AUTS2: variants seen among roughly 807,000 people sequenced by gnomAD.
AUTS2 encodes the protein autism susceptibility gene 2 protein.
In AUTS2, 17 loss-of-function variants were observed where a neutral mutation model predicts 112.4. The ratio of observed to expected loss-of-function variants is 0.15; its 90% CI spans 0.10 to 0.23. The LOEUF is 0.23. Ranked by LOEUF, AUTS2 falls within the 10% of genes least tolerant of loss-of-function variation. The pLI is 1.00. For synonymous variants in AUTS2, 751 were observed against 702.7 expected (o/e 1.07, Z -1.09); for missense variants, 1,510 against 1,701.6 (o/e 0.89, Z 1.98).
chr7:70,190,764 A>C (rs1026253713), intron 4 of AUTS2, among the ~76,000 whole-genome samples: 1 of 152,152 alleles, frequency 6.6e-6, no homozygotes, highest in African/African-American at 2.4e-5. Flanking sequence ...AAGTAATAGG[A>C]GTTTCCTAGA....
intron 1 of AUTS2, among the ~76,000 whole-genome samples, chr7:69,617,221 G>A (rs539382598): frequency 6.6e-6 from 1 of 152,240 alleles, no homozygotes; most frequent in African/African-American, 2.4e-5. Context: ...CAACTGTGTG[G>A]AGTTTGCACC....
At chr7:69,927,205 T>TATATATATATAC (rs967968951) in intron 2 of AUTS2, among the ~76,000 whole-genome samples, 8 of 147,462 alleles carry the variant, frequency 5.4e-5, no homozygotes, top group Non-Finnish European at 1.0e-4. Flanking sequence ...TATATATATA[T>TATATATATATAC]ACATACTATA....
intron 4 of AUTS2, among the ~76,000 whole-genome samples, chr7:70,215,489 A>T: frequency 6.6e-6 from 1 of 152,082 alleles, no homozygotes. Flanking sequence ...ACTCAATCAG[A>T]TTTGTTTGTA....
At chr7:69,933,043 T>C (rs1162749802) in intron 2 of AUTS2, among the ~76,000 whole-genome samples, 1 of 152,254 alleles carries the variant, frequency 6.6e-6, no homozygotes, top group Non-Finnish European at 1.5e-5. Flanking sequence ...TCTGTTGATC[T>C]GCACGTTGGT....
chr7:70,764,943 C>G lies in AUTS2; in HGVS notation c.1406C>G (p.Pro469Arg). 6.2e-7 allele frequency: 1 copy of G among 1,613,328 alleles called. No individual in the cohort carries two copies. The highest frequency in any genetic ancestry group is 8.5e-7 in the Non-Finnish European group (1 of 1,179,878). The part of the protein sequence containing the change: ...MFAPPTALPP[P>R]PPLTSGSLQV... Reference sequence around the variant, plus strand: ...GCCCCTCCCACTGCTCTGCCTCCTCCACCACCACTGACATCAGGAAGTCTG... The same window carrying G: ...GCCCCTCCCACTGCTCTGCCTCCTCGACCACCACTGACATCAGGAAGTCTG... Residue 469 changes from proline to arginine, a missense_variant, in exon 8 of 19, where the codon CCA becomes CGA. By Grantham distance (103) the Pro-to-Arg change is moderately radical (BLOSUM62 -2). Coordinates refer to ENST00000342771, the MANE Select transcript of AUTS2 (RefSeq NM_015570.4).
intron 6 of AUTS2, among the ~76,000 whole-genome samples, chr7:70,728,155 C>T (rs186949620): frequency 5.5e-4 from 81 of 147,980 alleles, no homozygotes; most frequent in African/African-American, 1.8e-3. Context: ...TGAAGCACAT[C>T]GCTTATAGAA....
chr7:69,965,166 C>T (rs1797588705), intron 2 of AUTS2, among the ~76,000 whole-genome samples: 1 of 152,000 alleles, frequency 6.6e-6, no homozygotes, highest in South Asian at 2.1e-4. Context: ...CTTTTTCTAT[C>T]CTTTTGGTGA....
chr7:70,649,332 G>A (rs1001081843), intron 5 of AUTS2, among the ~76,000 whole-genome samples: 2 of 151,998 alleles, frequency 1.3e-5, no homozygotes, highest in Non-Finnish European at 2.9e-5. Context: ...CGCAGGAGGT[G>A]GAGGTGGCAA....
At position 69,915,745 on chromosome 7, in the gene AUTS2, G is replaced by T. The variant is rs140065380; in HGVS notation, c.522+16247G>T. 3.2e-3 allele frequency among the ~76,000 whole-genome samples: 484 copies of T among 152,092 alleles called. 3 individuals carry two copies. The highest frequency in any genetic ancestry group is 0.01 in the Middle Eastern group (3 of 294). On this transcript the variant is annotated intron_variant, in intron 2 of 18. Transcript: ENST00000342771. ...ATTTTTATTTATTTATTTATTTATT[G>T]AGACGGAGTCTCACTCTATCACCAA...
chr7:69,895,567 C>A (rs1794712153), intron 1 of AUTS2, among the ~76,000 whole-genome samples: 1 of 136,744 alleles, frequency 7.3e-6, no homozygotes, highest in African/African-American at 2.7e-5. Context: ...TGGAAAATCT[C>A]AATATTAATT....
chr7:69,714,062 GA>G (rs1198765546), intron 1 of AUTS2, among the ~76,000 whole-genome samples: 2 of 151,478 alleles, frequency 1.3e-5, no homozygotes, highest in African/African-American at 4.9e-5. Flanking sequence ...TATATGGATT[GA>G]ATTTTTTTTT....
chr7:70,335,136 G>A (rs1222002219), intron 4 of AUTS2, among the ~76,000 whole-genome samples: 2 of 152,148 alleles, frequency 1.3e-5, no homozygotes, highest in Non-Finnish European at 2.9e-5. Context: ...GGGAAGCTGA[G>A]TTTTTGTTTC....
intron 2 of AUTS2, among the ~76,000 whole-genome samples, chr7:70,109,016 T>C (rs907037499): frequency 6.6e-6 from 1 of 152,118 alleles, no homozygotes; most frequent in Non-Finnish European, 1.5e-5. Flanking sequence ...TCATCTTACA[T>C]ATTTCCTTTC....
rs117448658 is a variant in AUTS2, at chr7:70,058,441, C to G, written c.523-59691C>G. Among the ~76,000 whole-genome samples, 1,004 of 152,214 alleles carry G rather than the reference C, an allele frequency of 6.6e-3. 6 individuals are homozygous for G. Among genetic ancestry groups the G allele is most frequent in the Non-Finnish European group, 0.012 (798 of 67,998 alleles). On this transcript the variant is annotated intron_variant, in intron 2 of 18. Transcript: ENST00000342771. ...GGAAAGTTAGGTTTCCATGTACCCC[C>G]CCGCTACGCATAGCATTATTTCAAT... is the stretch of plus-strand genomic sequence containing the variant.
At chr7:70,265,246 GT>G (rs1469034457) in intron 4 of AUTS2, among the ~76,000 whole-genome samples, 1 of 152,218 alleles carries the variant, frequency 6.6e-6, no homozygotes, top group African/African-American at 2.4e-5. Flanking sequence ...GTACATGATA[GT>G]TTTGTAGACA....
At position 70,513,242 on chromosome 7, in the gene AUTS2, A is replaced by G. The variant is rs904969059; in HGVS notation, c.690+77461A>G. Among the ~76,000 whole-genome samples, 7 of 152,252 alleles carry G rather than the reference A, an allele frequency of 4.6e-5. No individual in the cohort carries two copies. In the South Asian group the frequency reaches 6.2e-4, roughly 13 times the overall value. On this transcript the variant is annotated intron_variant, in intron 5 of 18. Coordinates refer to ENST00000342771, the MANE Select transcript of AUTS2 (RefSeq NM_015570.4). ...ACCCTTCATAACAAAGCACTGAAAC[A>G]ATTAATCAAGATTTATGAAACCTCT...
intron 3 of AUTS2, among the ~76,000 whole-genome samples, chr7:70,126,827 G>A (rs760021882): frequency 1.9e-4 from 29 of 152,024 alleles, no homozygotes; most frequent in Non-Finnish European, 3.1e-4. Flanking sequence ...TTTCTTCCCC[G>A]CCAAGATGGA....
At chr7:70,209,575 A>G (rs903780859) in intron 4 of AUTS2, among the ~76,000 whole-genome samples, 13 of 152,140 alleles carry the variant, frequency 8.5e-5, no homozygotes, top group Non-Finnish European at 1.6e-4. Context: ...TAATATCCTG[A>G]TAAGGAAGAA....
intron 1 of AUTS2, among the ~76,000 whole-genome samples, chr7:69,827,166 C>A (rs1035002974): frequency 6.6e-6 from 1 of 152,188 alleles, no homozygotes; most frequent in Non-Finnish European, 1.5e-5. Context: ...ACCCAGGAAT[C>A]TGCTTGGACT....
Sources: allele counts gnomAD v4.1 joint callset (sites outside exome capture counted in the v4.1 genomes callset), GRCh38; gene constraint gnomAD v4.1.1; transcripts MANE v1.5; gene names NCBI Gene and HGNC (gene_info 2026-07-23, HGNC 2026-07-21).